RLF: variants seen among roughly 807,000 people sequenced by gnomAD.
RLF encodes the protein zinc finger protein Rlf.
A neutral mutation model predicts 162.9 loss-of-function variants in RLF; 7 were observed. That is an observed-to-expected ratio of 0.04 (90% confidence interval 0.02 to 0.08). The LOEUF (loss-of-function observed/expected upper bound fraction) is 0.08, where lower values mean the gene tolerates loss of function less well. Ranked by LOEUF, RLF falls within the 10% of genes least tolerant of loss-of-function variation. RLF has a pLI of 1.00. For synonymous variants in RLF, 782 were observed against 791.5 expected (o/e 0.99, Z 0.20); for missense variants, 1,664 against 2,244.7 (o/e 0.74, Z 5.23).
In RLF at chr1:40,237,635, T is replaced by C. The variant is rs1394257175; in HGVS notation, c.2933T>C (p.Val978Ala). 2 of 1,613,920 alleles carry C rather than the reference T, an allele frequency of 1.2e-6. No individual in the cohort carries two copies. The highest frequency in any genetic ancestry group is 3.3e-5 in the Admixed American group (2 of 59,966). Reference sequence around the variant, plus strand: ...GGAATGCAGAAACATTTACGGAAGGTTCATCCATACCATTTCAAGCCCAAA... The same window carrying C: ...GGAATGCAGAAACATTTACGGAAGGCTCATCCATACCATTTCAAGCCCAAA... ...ARGMQKHLRK[V>A]HPYHFKPKKI... Residue 978 changes from valine (V) to alanine (A), a missense_variant, in exon 8 of 8, where the codon GTT (valine) becomes GCT (alanine). This residue lies in a region of RLF where 295 missense variants were observed against 317.4 expected (regional missense o/e 0.93). Coordinates refer to ENST00000372771, the MANE Select transcript of RLF (RefSeq NM_012421.4). The surrounding 1 kb of genome is among the most constrained non-coding windows in gnomAD (Gnocchi z 4.4).
chr1:40,229,448 C>CTTTTTTTTTT (rs1005418216), intron 6 of RLF, among the ~76,000 whole-genome samples: 5 of 90,980 alleles, frequency 5.5e-5, no homozygotes, highest in Admixed American at 1.3e-4. Flanking sequence ...ATTCATTTAT[C>CTTTTTTTTTT]TTTTTTTTTT....
At chr1:40,180,980 TATTTATCTA>T (rs1642398649) in intron 1 of RLF, among the ~76,000 whole-genome samples, 1 of 152,262 alleles carries the variant, frequency 6.6e-6, no homozygotes, top group African/African-American at 2.4e-5. Flanking sequence ...GTAATGAAGC[TATTTATCTA>T]TGTTTTCTCC....
At chr1:40,198,284 G>A (rs1296906268) in intron 4 of RLF, among the ~76,000 whole-genome samples, 1 of 143,266 alleles carries the variant, frequency 7.0e-6, no homozygotes, top group Non-Finnish European at 1.5e-5. Context: ...GCAGGTGTGA[G>A]CCACCGCGCC....
At chr1:40,191,768 A>G (rs1043608029) in intron 3 of RLF, among the ~76,000 whole-genome samples, 1 of 152,200 alleles carries the variant, frequency 6.6e-6, no homozygotes, top group Non-Finnish European at 1.5e-5. Flanking sequence ...TTTATTGATC[A>G]CTAATTATGT....
intron 6 of RLF, among the ~76,000 whole-genome samples, chr1:40,226,957 C>T (rs1204735122): frequency 1.3e-5 from 2 of 152,098 alleles, no homozygotes; most frequent in East Asian, 1.9e-4. Flanking sequence ...CTCTGCCTCC[C>T]GGGTTCAAGT....
intron 5 of RLF, among the ~76,000 whole-genome samples, chr1:40,212,276 G>C (rs899071278): frequency 6.6e-6 from 1 of 152,204 alleles, no homozygotes; most frequent in Admixed American, 6.5e-5. Context: ...TCATCTGAAA[G>C]TCAAAATTCA....
In RLF at chr1:40,237,976, G is replaced by T; in HGVS notation, c.3274G>T (p.Gly1092Cys). 1 of 1,614,030 alleles carries T rather than the reference G, an allele frequency of 6.2e-7. No individual in the cohort carries two copies. Among genetic ancestry groups the T allele is most frequent in the Non-Finnish European group, 8.5e-7 (1 of 1,179,980 alleles). ...GTCATTGCAGGGGTACCCATCCAGT[G>T]GTGCTAAGTCTCTTCAGTCAGTTTC... ...SGSLQGYPSS[G>C]AKSLQSVSSI... Residue 1092 changes from glycine to cysteine, a missense_variant, in exon 8 of 8, where the codon GGT (glycine) becomes TGT (cysteine). Gly to Cys is a radical substitution (Grantham distance 159). Coordinates refer to ENST00000372771, the MANE Select transcript of RLF (RefSeq NM_012421.4). This position sits in a 1 kb window ranked among gnomAD's most constrained non-coding sequence, Gnocchi z 4.4.
At chr1:40,183,474 T>A (rs1456473004) in intron 1 of RLF, among the ~76,000 whole-genome samples, 1 of 152,108 alleles carries the variant, frequency 6.6e-6, no homozygotes, top group African/African-American at 2.4e-5. Context: ...AGCATTCACT[T>A]TAGAATGGAA....
chr1:40,197,362 T>C (rs1185810308), intron 4 of RLF, among the ~76,000 whole-genome samples: 1 of 152,242 alleles, frequency 6.6e-6, no homozygotes. Context: ...ACCTTTGTTA[T>C]TGACAAAAGC....
At chr1:40,234,510 T>C (rs886156784) in intron 7 of RLF, among the ~76,000 whole-genome samples, 2 of 152,234 alleles carry the variant, frequency 1.3e-5, no homozygotes, top group African/African-American at 4.8e-5. Flanking sequence ...AACAGTGGAA[T>C]TTACTCCATT....
chr1:40,198,053 G>C (rs1557747412), intron 4 of RLF, among the ~76,000 whole-genome samples: 1 of 151,988 alleles, frequency 6.6e-6, no homozygotes, highest in Non-Finnish European at 1.5e-5. Flanking sequence ...ACTCAGGCTG[G>C]AGTGCAATGG....
intron 1 of RLF, among the ~76,000 whole-genome samples, chr1:40,162,783 T>G (rs1642113481): frequency 6.6e-6 from 1 of 152,226 alleles, no homozygotes; most frequent in African/African-American, 2.4e-5. Context: ...ACTCCAATTT[T>G]TGTGTGTACA....
chr1:40,196,564 A>G (rs1272318427), intron 4 of RLF, among the ~76,000 whole-genome samples: 1 of 152,148 alleles, frequency 6.6e-6, no homozygotes, highest in Non-Finnish European at 1.5e-5. Flanking sequence ...GAGTGGCACA[A>G]TTATGGCTCA....
chr1:40,200,561 G>C (rs1642697973), intron 4 of RLF, among the ~76,000 whole-genome samples: 1 of 152,088 alleles, frequency 6.6e-6, no homozygotes, highest in Non-Finnish European at 1.5e-5. Context: ...ACAGATGATA[G>C]AATAACCTGT....
At chr1:40,179,231 G>T (rs905737309) in intron 1 of RLF, among the ~76,000 whole-genome samples, 4 of 152,188 alleles carry the variant, frequency 2.6e-5, no homozygotes, top group Non-Finnish European at 5.9e-5. Context: ...GACCCAGAGA[G>T]GTTATCTGGT....
In RLF at chr1:40,238,447, G is replaced by A. The variant is rs200054464; in HGVS notation, c.3745G>A (p.Asp1249Asn). Reference protein sequence around the residue: ...SEKPHCHPKKDECSSETDLES... With the variant: ...SEKPHCHPKKNECSSETDLES... ...GAAACCACACTGTCATCCTAAAAAG[G>A]ATGAATGTAGTTCTGAAACAGATTT... Residue 1249 changes from aspartate (D) to asparagine (N), a missense_variant, in exon 8 of 8, where the codon GAT becomes AAT. This residue lies in a region of RLF where 102 missense variants were observed against 109.5 expected (regional missense o/e 0.93). Transcript: ENST00000372771. The surrounding 1 kb of genome is among the most constrained non-coding windows in gnomAD (Gnocchi z 5.2). 1.9e-6 allele frequency: 3 copies of A among 1,613,982 alleles called. No homozygotes were observed. Among genetic ancestry groups the A allele is most frequent in the Admixed American group, 1.7e-5 (1 of 59,988 alleles).
chr1:40,228,897 C>A (rs1204844157), intron 6 of RLF, among the ~76,000 whole-genome samples: 1 of 152,104 alleles, frequency 6.6e-6, no homozygotes. Context: ...GCTCAATGAC[C>A]ACCCTGCCCG....
intron 5 of RLF, among the ~76,000 whole-genome samples, chr1:40,212,929 A>C (rs973858136): frequency 3.3e-5 from 5 of 152,208 alleles, no homozygotes; most frequent in African/African-American, 1.2e-4. Context: ...CAAGATTAAG[A>C]TGAACTCTGA....
chr1:40,203,416 G>A (rs761842806), intron 5 of RLF, among the ~76,000 whole-genome samples: 19 of 151,754 alleles, frequency 1.3e-4, no homozygotes, highest in Non-Finnish European at 2.5e-4. Flanking sequence ...GGTGGTGGGC[G>A]CCTGTAATCC....
Sources: allele counts gnomAD v4.1 joint callset (sites outside exome capture counted in the v4.1 genomes callset), GRCh38; gene constraint gnomAD v4.1.1; regional missense constraint gnomAD v4.1.1; non-coding constraint Gnocchi (gnomAD v3.1); transcripts MANE v1.5; gene names NCBI Gene and HGNC (gene_info 2026-07-23, HGNC 2026-07-21).